RALYL: variants seen among roughly 807,000 people sequenced by gnomAD.
RALYL encodes RALY RNA binding protein like, also known as RNA-binding Raly-like protein.
Under a neutral mutation model 35.1 loss-of-function variants are expected in RALYL, and 29 were observed. That is an observed-to-expected ratio of 0.83 (90% CI 0.61 to 1.13). RALYL has a LOEUF of 1.13. Among genes scored for constraint, RALYL ranks in the 50% most tolerant of loss-of-function variants. The probability of loss-of-function intolerance (pLI) is 0.00; values close to 1 mark genes in which losing one functional copy is unlikely to be tolerated. For missense variants in RALYL, 359 were observed against 360.4 expected (o/e 1.00, Z 0.03); for synonymous variants, 120 against 127.6 (o/e 0.94, Z 0.40).
intron 2 of RALYL, among the ~76,000 whole-genome samples, chr8:84,725,288 C>T (rs1479395661): frequency 6.6e-6 from 1 of 151,714 alleles, no homozygotes; most frequent in African/African-American, 2.4e-5. Context: ...GACAAAATAT[C>T]AACCAAGAAT....
chr8:84,305,404 T>A (rs1380099540), intron 1 of RALYL, among the ~76,000 whole-genome samples: 1 of 152,154 alleles, frequency 6.6e-6, no homozygotes, highest in African/African-American at 2.4e-5. Context: ...TGTTCAGGAA[T>A]TGGAGGATAT....
At chr8:84,271,013 T>C (rs78769488) in intron 1 of RALYL, among the ~76,000 whole-genome samples, 2,888 of 152,056 alleles carry the variant, frequency 0.019, 42 homozygotes, top group Non-Finnish European at 0.031. Flanking sequence ...CTGCAAATTA[T>C]GGATTTTTTT....
intron 1 of RALYL, among the ~76,000 whole-genome samples, chr8:84,400,116 A>C (rs1049750851): frequency 5.9e-5 from 9 of 151,374 alleles, no homozygotes; most frequent in African/African-American, 1.5e-4. Context: ...ACTCTGTCTC[A>C]AAAAGAAAAA....
intron 2 of RALYL, among the ~76,000 whole-genome samples, chr8:84,616,883 T>A (rs1341187669): frequency 6.6e-6 from 1 of 151,458 alleles, no homozygotes; most frequent in African/African-American, 2.4e-5. Flanking sequence ...CTCAGGTTTG[T>A]CAAAGATCAG....
chr8:84,402,684 A>G (rs1258851392), intron 1 of RALYL, among the ~76,000 whole-genome samples: 3 of 152,116 alleles, frequency 2.0e-5, no homozygotes, highest in Non-Finnish European at 4.4e-5. Context: ...TTCCAAGACC[A>G]TTTCCAATCC....
intron 2 of RALYL, among the ~76,000 whole-genome samples, chr8:84,536,340 C>A (rs2059605180): frequency 6.6e-6 from 1 of 152,188 alleles, no homozygotes; most frequent in South Asian, 2.1e-4. Context: ...AACAACAACA[C>A]TAAAAACTTG....
At chr8:84,691,015 AG>A (rs1201465788) in intron 2 of RALYL, among the ~76,000 whole-genome samples, 1 of 152,118 alleles carries the variant, frequency 6.6e-6, no homozygotes, top group Admixed American at 6.6e-5. Context: ...CTGATTTTTG[AG>A]GTTAAAAGAA....
intron 1 of RALYL, among the ~76,000 whole-genome samples, chr8:84,220,897 T>C (rs543060811): frequency 6.6e-6 from 1 of 152,124 alleles, no homozygotes; most frequent in South Asian, 2.1e-4. Flanking sequence ...TATACTATCT[T>C]AGTAAACCTC....
chr8:84,733,003 T>G (rs1276283313), intron 2 of RALYL, among the ~76,000 whole-genome samples: 1 of 152,004 alleles, frequency 6.6e-6, no homozygotes, highest in African/African-American at 2.4e-5. Flanking sequence ...GCCTAAGTAA[T>G]TATTTTTGAA....
chr8:84,717,761 A>G (rs932472704), intron 2 of RALYL, among the ~76,000 whole-genome samples: 1 of 152,210 alleles, frequency 6.6e-6, no homozygotes, highest in Non-Finnish European at 1.5e-5. Context: ...CTTTGTAACT[A>G]ACATTCCAAT....
intron 1 of RALYL, among the ~76,000 whole-genome samples, chr8:84,223,442 G>A (rs1823021274): frequency 6.6e-6 from 1 of 152,088 alleles, no homozygotes; most frequent in East Asian, 1.9e-4. Context: ...GGATGACAGG[G>A]AACGATGGGC....
intron 1 of RALYL, among the ~76,000 whole-genome samples, chr8:84,468,997 G>T (rs1183621464): frequency 6.6e-6 from 1 of 151,300 alleles, no homozygotes; most frequent in Non-Finnish European, 1.5e-5. Flanking sequence ...AGCTCCATCA[G>T]CTCCTTTAAG....
chr8:84,779,768 A>C (rs1379770763), intron 3 of RALYL, among the ~76,000 whole-genome samples: 18 of 152,236 alleles, frequency 1.2e-4, no homozygotes. Context: ...GACTGCAGCA[A>C]AATATCTCCG....
At chr8:84,489,901 G>A (rs1158456669) in intron 1 of RALYL, among the ~76,000 whole-genome samples, 1 of 152,026 alleles carries the variant, frequency 6.6e-6, no homozygotes. Context: ...TTGTTTTAAA[G>A]TGTCAAGAAA....
intron 1 of RALYL, among the ~76,000 whole-genome samples, chr8:84,371,100 G>A (rs1472938326): frequency 6.6e-6 from 1 of 151,790 alleles, no homozygotes; most frequent in Non-Finnish European, 1.5e-5. Context: ...CCATCCTCTT[G>A]CTCCTCCTCA....
At chr8:84,472,541 AT>A (rs1379576577) in intron 1 of RALYL, among the ~76,000 whole-genome samples, 2 of 152,202 alleles carry the variant, frequency 1.3e-5, no homozygotes, top group African/African-American at 4.8e-5. Flanking sequence ...AAACTAGTCC[AT>A]TTCACTGGAA....
At chr8:84,226,153 A>C (rs1029355445) in intron 1 of RALYL, among the ~76,000 whole-genome samples, 2 of 152,070 alleles carry the variant, frequency 1.3e-5, no homozygotes, top group Non-Finnish European at 2.9e-5. Flanking sequence ...TTCTCATAGG[A>C]GCGTGAACCC....
intron 2 of RALYL, among the ~76,000 whole-genome samples, chr8:84,695,888 C>G (rs2132232969): frequency 6.6e-6 from 1 of 151,906 alleles, no homozygotes; most frequent in South Asian, 2.1e-4. Flanking sequence ...ATTATTGTTA[C>G]CCATGACTCC....
intron 3 of RALYL, among the ~76,000 whole-genome samples, chr8:84,779,543 C>G (rs75711709): frequency 1.4e-3 from 210 of 152,240 alleles, no homozygotes; most frequent in African/African-American, 4.8e-3. Context: ...ATACAAATGC[C>G]TCTTGTAGCA....
Sources: gnomAD v4.1 joint callset for allele counts (sites outside exome capture counted in the v4.1 genomes callset) on GRCh38, gnomAD v4.1.1 for gene constraint, MANE v1.5 for transcripts, NCBI Gene and HGNC (gene_info 2026-07-23, HGNC 2026-07-21) for gene names.